TENM2: variants seen among roughly 807,000 people sequenced by gnomAD.
TENM2 encodes teneurin-2.
TENM2 carries 52 observed loss-of-function variants against 245.2 expected under a neutral mutation model. That is an observed-to-expected ratio of 0.21 (90% CI 0.17 to 0.27). The LOEUF (loss-of-function observed/expected upper bound fraction) is 0.27. Among genes scored for constraint, TENM2 ranks in the 10% least tolerant of loss-of-function variants. The pLI is 1.00. For missense variants in TENM2, 3,046 were observed against 3,666.8 expected, an observed-to-expected ratio of 0.83 and a Z score of 4.37; for synonymous variants, 1,363 against 1,438.9, an observed-to-expected ratio of 0.95 and a Z score of 1.19.
At chr5:167,705,102 C>A (rs986969307) in intron 2 of TENM2, among the ~76,000 whole-genome samples, 2 of 152,072 alleles carry the variant, frequency 1.3e-5, no homozygotes, top group African/African-American at 4.8e-5. Flanking sequence ...CTCTGCCTAC[C>A]CCTGGGCTTT....
intron 19 of TENM2, among the ~76,000 whole-genome samples, chr5:168,208,193 C>A (rs565329357): frequency 6.6e-6 from 1 of 152,190 alleles, no homozygotes; most frequent in African/African-American, 2.4e-5. Context: ...CGGGATGGGA[C>A]GGTATCTCTC....
chr5:167,474,681 A>AT (rs766465465), intron 2 of TENM2, among the ~76,000 whole-genome samples: 3 of 152,016 alleles, frequency 2.0e-5, no homozygotes, highest in East Asian at 1.9e-4. Flanking sequence ...CACCTGGCTA[A>AT]TTTTTGTATT....
At chr5:167,224,021 C>T in the TENM2 span, among the ~76,000 whole-genome samples, 19 of 152,118 alleles carry the variant, frequency 1.2e-4, no homozygotes, top group African/African-American at 2.9e-4. Context: ...TTCTTTGCCC[C>T]GCTTTTTAAT....
At chr5:168,217,977 C>A in intron 22 of TENM2, 148 bp from the exon 25 acceptor site, 1 of 749,964 alleles carries the variant, frequency 1.3e-6, no homozygotes, top group Non-Finnish European at 2.1e-6. Context: ...GGGCAATGAG[C>A]AGCTGGTTCA....
chr5:167,774,717 A>G (rs928032600), intron 2 of TENM2, among the ~76,000 whole-genome samples: 3 of 152,188 alleles, frequency 2.0e-5, no homozygotes, highest in Admixed American at 1.3e-4. Flanking sequence ...GGGGATGACA[A>G]AAGTCTCAGA....
In TENM2 at chr5:167,800,932, A is replaced by G. The variant is rs1765663517; in HGVS notation, c.503-75054A>G. Among the ~76,000 whole-genome samples the G allele has an allele frequency of 2.6e-5, 4 of 151,926 alleles. No homozygotes were observed. In the South Asian group the frequency reaches 8.3e-4, roughly 32 times the overall value. On this transcript the variant is annotated intron_variant, in intron 2 of 28. Coordinates refer to ENST00000518659, the Ensembl canonical transcript of TENM2. ...GTAGATGAATAGGCTGATTTCTGGA[A>G]TTTATTAGATCTTCCTTTGTTCTAG...
At chr5:167,795,377 C>T (rs1489063501) in intron 2 of TENM2, among the ~76,000 whole-genome samples, 4 of 152,084 alleles carry the variant, frequency 2.6e-5, no homozygotes, top group Non-Finnish European at 5.9e-5. Context: ...GCTTTTCCCC[C>T]TAACATCCTG....
At chr5:168,097,553 T>C (rs1232119097) in intron 8 of TENM2, among the ~76,000 whole-genome samples, 1 of 152,072 alleles carries the variant, frequency 6.6e-6, no homozygotes, top group Non-Finnish European at 1.5e-5. Flanking sequence ...GCCTCCCAAG[T>C]AACTGGGATT....
chr5:167,345,493 T>G (rs559390806), intron 1 of TENM2, among the ~76,000 whole-genome samples: 1 of 152,170 alleles, frequency 6.6e-6, no homozygotes, highest in South Asian at 2.1e-4. Context: ...GAAAAGATTT[T>G]ATTTAAGTTA....
the TENM2 span, among the ~76,000 whole-genome samples, chr5:167,139,122 A>G: frequency 2.0e-5 from 3 of 152,232 alleles, no homozygotes; most frequent in Non-Finnish European, 4.4e-5. Flanking sequence ...CACAATTGCC[A>G]CATCATTGAA....
intron 2 of TENM2, among the ~76,000 whole-genome samples, chr5:167,750,206 A>G (rs1253151128): frequency 6.6e-6 from 1 of 152,166 alleles, no homozygotes; most frequent in East Asian, 1.9e-4. Flanking sequence ...GCTGGCACAC[A>G]GTAGGTGCTC....
At chr5:167,970,776 G>T (rs1417562162) in intron 4 of TENM2, among the ~76,000 whole-genome samples, 1 of 151,832 alleles carries the variant, frequency 6.6e-6, no homozygotes, top group African/African-American at 2.4e-5. Flanking sequence ...GTTCATAATG[G>T]TGCCCATTGC....
the TENM2 span, among the ~76,000 whole-genome samples, chr5:167,131,602 C>A: frequency 2.4e-4 from 37 of 151,836 alleles, no homozygotes; most frequent in Non-Finnish European, 5.0e-4. Context: ...AGCTAGCATC[C>A]ATCAATAGCA....
At chr5:167,641,255 C>A (rs1021736083) in intron 2 of TENM2, among the ~76,000 whole-genome samples, 1 of 151,992 alleles carries the variant, frequency 6.6e-6, no homozygotes, top group Non-Finnish European at 1.5e-5. Flanking sequence ...CAATACGTGT[C>A]GCCTACTTAT....
rs79600692 is a variant in TENM2, at chr5:167,419,594, A to G, written c.502+44121A>G. On this transcript the variant is annotated intron_variant, in intron 2 of 28. Transcript: ENST00000518659. ...CTTCTTGGTCAGAATGACTGAAACA[A>G]AGTGATGGCCTTTTCAAAGTTACAT... Among the ~76,000 whole-genome samples the G allele has an allele frequency of 3.3e-3, 496 of 152,342 alleles. 2 individuals carry two copies. Among genetic ancestry groups the G allele is most frequent in the East Asian group, 0.022 (116 of 5,174 alleles).
rs374897306 is a variant in TENM2 at position 168,170,907 on chromosome 5, C to T, written c.2569+8150C>T. 2.0e-5 allele frequency among the ~76,000 whole-genome samples: 3 copies of T among 152,132 alleles called. No individual in the cohort carries two copies. The South Asian group carries it at 6.2e-4, about 32-fold the overall frequency. On this transcript the variant is annotated intron_variant, in intron 13 of 28. Transcript: ENST00000518659. ...GAATCAAAATCAGCTGTTTTTTTCA[C>T]CTTGGCTTAGAGGGCCCTCTGTATA...
intron 27 of TENM2, among the ~76,000 whole-genome samples, chr5:168,250,288 G>A (rs1372307230): frequency 6.6e-6 from 1 of 152,044 alleles, no homozygotes; most frequent in Admixed American, 6.6e-5. Flanking sequence ...GGTAGGTAGA[G>A]AGAAGGGGAG....
intron 13 of TENM2, among the ~76,000 whole-genome samples, chr5:168,184,962 G>A (rs1760257524): frequency 6.6e-6 from 1 of 152,196 alleles, no homozygotes; most frequent in East Asian, 1.9e-4. Context: ...GTGTCTCACA[G>A]GTAAATAGTG....
intron 2 of TENM2, among the ~76,000 whole-genome samples, chr5:167,499,914 ATGTG>A (rs376503595): frequency 3.1e-5 from 2 of 63,718 alleles, no homozygotes; most frequent in African/African-American, 7.0e-5. Context: ...GAGGGTGTAT[ATGTG>A]TGTGTGTGTA....
Sources: gnomAD v4.1 joint callset for allele counts (sites outside exome capture counted in the v4.1 genomes callset) on GRCh38, gnomAD v4.1.1 for gene constraint, MANE v1.5 for transcripts, NCBI Gene and HGNC (gene_info 2026-07-23, HGNC 2026-07-21) for gene names.